Variants in SLC22A24 observed in about 807,000 individuals in gnomAD.
SLC22A24 encodes the protein solute carrier family 22 member 24.
In SLC22A24, 53 loss-of-function variants were observed where a neutral mutation model predicts 49.8. The ratio of observed to expected loss-of-function variants is 1.06; its 90% CI spans 0.85 to 1.34. The LOEUF (loss-of-function observed/expected upper bound fraction) is 1.34. Ranked by LOEUF, SLC22A24 falls within the 40% of genes most tolerant of loss-of-function variation. SLC22A24 has a pLI of 0.00. For synonymous variants in SLC22A24, 302 were observed against 256.4 expected (o/e 1.18, Z -1.70); for missense variants, 786 against 675.9 (o/e 1.16, Z -1.81).
At chr11:63,089,373 G>C (rs1296870582) in intron 6 of SLC22A24, among the ~76,000 whole-genome samples, 4 of 152,096 alleles carry the variant, frequency 2.6e-5, no homozygotes, top group Non-Finnish European at 5.9e-5. Context: ...AAATACTAAG[G>C]GATTTTGTCA....
chr11:63,102,144 C>T lies in SLC22A24; in HGVS notation c.954+2031G>A, dbSNP rs148196612. Among the ~76,000 whole-genome samples, 152 of 152,002 alleles carry T rather than the reference C, an allele frequency of 1.0e-3. 1 individual carries two copies. Among genetic ancestry groups the T allele is most frequent in the African/African-American group, 3.3e-3 (137 of 41,486 alleles). On this transcript the variant is annotated intron_variant, in intron 5 of 9. Transcript: ENST00000612278. ...GATAACTGCTTGAGATCATAGATAC[C>T]GCATTTACTCTGATGTGATTATTAT... is the stretch of plus-strand genomic sequence containing the variant.
intron 2 of SLC22A24, among the ~76,000 whole-genome samples, chr11:63,131,488 C>T (rs1351959547): frequency 6.6e-6 from 1 of 152,138 alleles, no homozygotes; most frequent in Non-Finnish European, 1.5e-5. Context: ...GACAAAATCT[C>T]TCAGCATTTG....
chr11:63,141,431 T>C (rs978363951), intron 1 of SLC22A24, among the ~76,000 whole-genome samples: 1 of 152,168 alleles, frequency 6.6e-6, no homozygotes, highest in Admixed American at 6.5e-5. Flanking sequence ...AAGGATACAA[T>C]TGGAGAAACT....
chr11:63,083,206 T>C (rs776988547), intron 7 of SLC22A24, 37 bp downstream of exon 7: 3 of 1,495,814 alleles, frequency 2.0e-6, no homozygotes, highest in Non-Finnish European at 2.7e-6. Context: ...AGAATGGGGG[T>C]AACTACTTTC....
At chr11:63,103,116 G>A (rs1044310920) in intron 5 of SLC22A24, among the ~76,000 whole-genome samples, 5 of 152,102 alleles carry the variant, frequency 3.3e-5, no homozygotes, top group African/African-American at 9.7e-5. Context: ...AATTTACTTA[G>A]CATATCAGAG....
At chr11:63,096,874 G>T (rs1478602041) in intron 5 of SLC22A24, among the ~76,000 whole-genome samples, 1 of 152,162 alleles carries the variant, frequency 6.6e-6, no homozygotes, top group African/African-American at 2.4e-5. Flanking sequence ...CTTATCTCAG[G>T]TGCTTAGTTT....
At chr11:63,089,237 A>G (rs1487304740) in intron 6 of SLC22A24, among the ~76,000 whole-genome samples, 3 of 152,254 alleles carry the variant, frequency 2.0e-5, no homozygotes, top group African/African-American at 7.2e-5. Context: ...CAGAAACCCT[A>G]CAAGCCAGAA....
chr11:63,107,543 A>G (rs1460986471), intron 4 of SLC22A24, among the ~76,000 whole-genome samples: 1 of 152,092 alleles, frequency 6.6e-6, no homozygotes, highest in Non-Finnish European at 1.5e-5. Flanking sequence ...TTTTCATAGT[A>G]TTGACTCTTC....
intron 2 of SLC22A24, among the ~76,000 whole-genome samples, chr11:63,123,909 G>T (rs2087269952): frequency 6.6e-6 from 1 of 152,146 alleles, no homozygotes; most frequent in Non-Finnish European, 1.5e-5. Flanking sequence ...CTCAGTGGAG[G>T]AGTAAGTCTT....
intron 5 of SLC22A24, among the ~76,000 whole-genome samples, chr11:63,099,370 G>GTTTTT (rs1279683430): frequency 5.8e-5 from 2 of 34,430 alleles, no homozygotes; most frequent in African/African-American, 1.1e-4. Flanking sequence ...TAATTTTTAA[G>GTTTTT]ATTTTTTTTT....
In SLC22A24 at chr11:63,081,068, G is replaced by A. The variant is rs2086956985; in HGVS notation, c.1450C>T (p.Pro484Ser). ...TACGCCATTAAGGTCATCAACAGAG[G>A]AGCCAGTGCTGCCCCAGTCCTACCG... ...VSGRTGAALAPLLMTLMAYSP... is the reference protein window; with the variant it reads ...VSGRTGAALASLLMTLMAYSP... Residue 484 changes from proline (P) to serine (S), a missense_variant, in exon 9 of 10, where the codon CCT (proline) becomes TCT (serine). Coordinates refer to ENST00000612278, the MANE Select transcript of SLC22A24 (RefSeq NM_001136506.2). The A allele has an allele frequency of 5.8e-6, 9 of 1,551,662 alleles. No individual in the cohort carries two copies. The East Asian group carries it at 2.2e-4, about 38-fold the overall frequency.
At chr11:63,114,291 CCT>C (rs2087196598) in intron 4 of SLC22A24, among the ~76,000 whole-genome samples, 1 of 151,762 alleles carries the variant, frequency 6.6e-6, no homozygotes, top group South Asian at 2.1e-4. Flanking sequence ...CTAAACTTGC[CCT>C]CTCACTTTAT....
At chr11:63,081,274 G>C (rs1413666849) in intron 8 of SLC22A24, among the ~76,000 whole-genome samples, 151 bp from the exon 9 acceptor site, 1 of 152,162 alleles carries the variant, frequency 6.6e-6, no homozygotes, top group African/African-American at 2.4e-5. Flanking sequence ...ATTTACCTCT[G>C]TTGGTTTCTA....
Position 63,083,408 on chromosome 11 carries a change from A to T in SLC22A24, c.1120T>A (p.Leu374Ile). The T allele has an allele frequency of 1.3e-6, 2 of 1,551,554 alleles. No individual in the cohort carries two copies. Among genetic ancestry groups the T allele is most frequent in the Non-Finnish European group, 1.7e-6 (2 of 1,146,870 alleles). Residue 374 changes from leucine to isoleucine, a missense_variant, in exon 7 of 10, where the codon TTA becomes ATA. Transcript: ENST00000612278. ...TGGAACAGGGAGACATTGCTCCCTA[A>T]GTGCTGCAAGTTGAGTATCAGGCCA... ...FYGLILNLQH[L>I]GSNVSLFQIL...
rs1280192332 is a variant in SLC22A24 at position 63,083,372 on chromosome 11, C to T, written c.1156G>A (p.Gly386Arg). 12 of 1,551,946 alleles carry T rather than the reference C, an allele frequency of 7.7e-6. No homozygotes were observed. The East Asian group carries it at 2.9e-4, about 38-fold the overall frequency. Residue 386 changes from glycine (G) to arginine (R), a missense_variant, in exon 7 of 10, where the codon GGA (glycine) becomes AGA (arginine). Gly to Arg is a moderately radical substitution (Grantham distance 125). Transcript: ENST00000612278. ...SNVSLFQILCGAVTFTARCVS... is the reference protein window; with the variant it reads ...SNVSLFQILCRAVTFTARCVS... ...CATCTGGCTGTGAATGTGACAGCTC[C>T]ACAGAGAATCTGGAACAGGGAGACA...
Position 63,143,629 on chromosome 11 carries a change from C to T in SLC22A24, c.151G>A (p.Val51Ile). 1 of 1,591,430 alleles carries T rather than the reference C, an allele frequency of 6.3e-7. No individual in the cohort carries two copies. The highest frequency in any genetic ancestry group is 8.6e-7 in the Non-Finnish European group (1 of 1,169,364). ...ACAGTGTCATTGTCCAGGAGGGGGA[C>T]CCAGCAGCGATGACTAGGGGTGAAT... is the stretch of plus-strand genomic sequence containing the variant. ...TAFTPSHRCW[V>I]PLLDNDTVSD... The change falls in exon 1 of 10, where the codon GTC becomes ATC. Residue 51 changes from valine to isoleucine, a missense_variant. Transcript: ENST00000612278.
chr11:63,083,802 A>G (rs1324311517), intron 6 of SLC22A24, among the ~76,000 whole-genome samples: 2 of 152,222 alleles, frequency 1.3e-5, no homozygotes, highest in East Asian at 1.9e-4. Flanking sequence ...ATCTGAATTC[A>G]TCAGTCAACT....
At chr11:63,134,876 AG>A in intron 1 of SLC22A24, 108 bp from the exon 2 acceptor site, 1 of 681,234 alleles carries the variant, frequency 1.5e-6, no homozygotes, top group Non-Finnish European at 2.5e-6. Context: ...TCTGCTAGGC[AG>A]GTCCTGCCTC....
chr11:63,093,975 T>C (rs1043034770), intron 6 of SLC22A24, among the ~76,000 whole-genome samples: 9 of 71,490 alleles, frequency 1.3e-4, no homozygotes, highest in Non-Finnish European at 2.9e-4. Flanking sequence ...AATTCTTTTT[T>C]TCCTGTATTT....
Sources: gnomAD v4.1 joint callset for allele counts (sites outside exome capture counted in the v4.1 genomes callset) on GRCh38, gnomAD v4.1.1 for gene constraint, MANE v1.5 for transcripts, NCBI Gene and HGNC (gene_info 2026-07-23, HGNC 2026-07-21) for gene names.